The following PTPRG variants were observed in gnomAD, a reference collection of about 807,000 sequenced individuals.
PTPRG encodes the protein protein tyrosine phosphatase receptor type G.
In PTPRG, 102 loss-of-function variants were observed where a neutral mutation model predicts 165.3. That is an observed-to-expected ratio of 0.62 (90% CI 0.53 to 0.73). The LOEUF (loss-of-function observed/expected upper bound fraction) is 0.73. PTPRG is among the 30% of genes least tolerant of loss of function. The probability of loss-of-function intolerance (pLI) is 0.00; values close to 1 mark genes in which losing one functional copy is unlikely to be tolerated. For synonymous variants in PTPRG, 675 were observed against 669.5 expected, an observed-to-expected ratio of 1.01 and a Z score of -0.13; for missense variants, 1,866 against 1,861.4, an observed-to-expected ratio of 1.00 and a Z score of -0.05.
intron 1 of PTPRG, among the ~76,000 whole-genome samples, chr3:61,713,792 A>G (rs2031681947): frequency 6.6e-6 from 1 of 152,150 alleles, no homozygotes; most frequent in Non-Finnish European, 1.5e-5. Flanking sequence ...TGTGGCAATG[A>G]GGCATCCACA....
intron 2 of PTPRG, among the ~76,000 whole-genome samples, chr3:61,765,343 G>A (rs2033985393): frequency 6.6e-6 from 1 of 152,194 alleles, no homozygotes; most frequent in Admixed American, 6.5e-5. Context: ...GGTGATGAAT[G>A]TTGATTGTGC....
At chr3:61,563,375 T>C (rs989739219) in intron 1 of PTPRG, among the ~76,000 whole-genome samples, 1 of 152,066 alleles carries the variant, frequency 6.6e-6, no homozygotes, top group Non-Finnish European at 1.5e-5. Flanking sequence ...GACCCTCCAC[T>C]TCCAGCTCTC....
chr3:61,975,676 T>A (rs1214216747), intron 2 of PTPRG, among the ~76,000 whole-genome samples: 1 of 151,526 alleles, frequency 6.6e-6, no homozygotes, highest in African/African-American at 2.4e-5. Flanking sequence ...TTTTTTTTTT[T>A]ATGGTGGCAA....
intron 17 of PTPRG, among the ~76,000 whole-genome samples, chr3:62,266,865 A>G (rs758480459): frequency 3.4e-5 from 5 of 149,004 alleles, no homozygotes; most frequent in Non-Finnish European, 7.4e-5. Flanking sequence ...ACTTTTGTTC[A>G]TTAACTGAGG....
chr3:62,023,267 A>C (rs946184269), intron 4 of PTPRG, among the ~76,000 whole-genome samples: 1 of 152,194 alleles, frequency 6.6e-6, no homozygotes, highest in African/African-American at 2.4e-5. Context: ...CATAATACTA[A>C]TGAAAACATC....
intron 2 of PTPRG, among the ~76,000 whole-genome samples, chr3:61,830,566 GTTTTTTTTT>G (rs57644199): frequency 1.5e-4 from 13 of 86,500 alleles, no homozygotes; most frequent in Non-Finnish European, 4.5e-5. Context: ...TTTTGTTTTT[GTTTTTTTTT>G]TTTTTTTTTT....
intron 1 of PTPRG, among the ~76,000 whole-genome samples, chr3:61,717,794 TAA>T (rs1225185503): frequency 6.9e-6 from 1 of 145,446 alleles, no homozygotes; most frequent in African/African-American, 2.7e-5. Flanking sequence ...TCTTTAAAAA[TAA>T]AAATAAAAAT....
At chr3:61,881,072 T>G (rs1575748319) in intron 2 of PTPRG, among the ~76,000 whole-genome samples, 2 of 151,562 alleles carry the variant, frequency 1.3e-5, no homozygotes, top group African/African-American at 4.8e-5. Context: ...TTACAAGGGT[T>G]TTTTTTTTCC....
intron 4 of PTPRG, among the ~76,000 whole-genome samples, chr3:62,058,034 T>A (rs1302653688): frequency 6.6e-6 from 1 of 152,198 alleles, no homozygotes; most frequent in Non-Finnish European, 1.5e-5. Flanking sequence ...TGGAATACAA[T>A]GCTTTGAATA....
chr3:61,876,444 A>C (rs1559663280), intron 2 of PTPRG, among the ~76,000 whole-genome samples: 1 of 152,194 alleles, frequency 6.6e-6, no homozygotes, highest in Non-Finnish European at 1.5e-5. Flanking sequence ...CCTGGTTTTG[A>C]TCATTGTACT....
intron 4 of PTPRG, among the ~76,000 whole-genome samples, chr3:62,032,436 G>A (rs2107785009): frequency 6.6e-6 from 1 of 152,306 alleles, no homozygotes. Context: ...ATATACTATT[G>A]TAGGAAATTC....
chr3:62,123,832 G>A (rs573215607), intron 5 of PTPRG, among the ~76,000 whole-genome samples: 11 of 152,218 alleles, frequency 7.2e-5, no homozygotes, highest in African/African-American at 2.6e-4. Context: ...TTAAGTGACT[G>A]AATACTGGAT....
intron 1 of PTPRG, among the ~76,000 whole-genome samples, chr3:61,647,630 A>T (rs1702238635): frequency 6.6e-6 from 1 of 152,014 alleles, no homozygotes; most frequent in Non-Finnish European, 1.5e-5. Context: ...CTCCACTAAA[A>T]AATACAAAAA....
At chr3:62,159,408 G>C (rs963041937) in intron 7 of PTPRG, among the ~76,000 whole-genome samples, 9 of 152,172 alleles carry the variant, frequency 5.9e-5, no homozygotes, top group African/African-American at 2.2e-4. Flanking sequence ...TTCCATGTAA[G>C]GAGAGGCAGA....
At chr3:61,658,504 C>T (rs560242776) in intron 1 of PTPRG, among the ~76,000 whole-genome samples, 13 of 152,294 alleles carry the variant, frequency 8.5e-5, no homozygotes, top group African/African-American at 3.1e-4. Flanking sequence ...CTTTTTCTAT[C>T]TTGAAAATAG....
chr3:61,569,146 G>A (rs777297786), intron 1 of PTPRG, among the ~76,000 whole-genome samples: 6 of 152,124 alleles, frequency 3.9e-5, no homozygotes, highest in African/African-American at 4.8e-5. Flanking sequence ...CATGTAGCAG[G>A]AAGAAAAATC....
chr3:61,983,436 T>C (rs1291244667), intron 2 of PTPRG, among the ~76,000 whole-genome samples: 3 of 152,156 alleles, frequency 2.0e-5, no homozygotes, highest in African/African-American at 7.2e-5. Flanking sequence ...TATAAGTTTA[T>C]TGAGAGAGGC....
intron 4 of PTPRG, among the ~76,000 whole-genome samples, chr3:62,053,266 G>GTTTT (rs36000751): frequency 1.5e-5 from 2 of 130,976 alleles, no homozygotes; most frequent in African/African-American, 2.8e-5. Flanking sequence ...ACTGCCTTGG[G>GTTTT]TTTTTTTTTT....
intron 1 of PTPRG, among the ~76,000 whole-genome samples, chr3:61,699,280 G>C (rs1313485950): frequency 1.3e-5 from 2 of 152,154 alleles, no homozygotes; most frequent in Non-Finnish European, 2.9e-5. Context: ...AGTTGGAAGA[G>C]TGGCATTGCT....
Sources: gnomAD v4.1 joint callset for allele counts (sites outside exome capture counted in the v4.1 genomes callset) on GRCh38, gnomAD v4.1.1 for gene constraint, MANE v1.5 for transcripts, NCBI Gene and HGNC (gene_info 2026-07-23, HGNC 2026-07-21) for gene names.